The following XPNPEP2 variants were observed in gnomAD, a reference collection of about 807,000 sequenced individuals.
XPNPEP2 encodes xaa-Pro aminopeptidase 2.
A neutral mutation model predicts 59.8 loss-of-function variants in XPNPEP2; 64 were observed. The ratio of observed to expected loss-of-function variants is 1.07; its 90% CI spans 0.87 to 1.32. The LOEUF (loss-of-function observed/expected upper bound fraction) is 1.32. XPNPEP2 is among the 40% of genes most tolerant of loss of function. The pLI is 0.00. For missense variants in XPNPEP2, 575 were observed against 546.8 expected (o/e 1.05, Z -0.51); for synonymous variants, 235 against 210.0 (o/e 1.12, Z -1.03).
At chrX:129,766,710 TG>T (rs1296907883) in intron 19 of XPNPEP2, among the ~76,000 whole-genome samples, 2 of 111,693 alleles carry the variant, frequency 1.8e-5, no homozygotes, top group African/African-American at 3.3e-5. Context: ...TAGAGACTGG[TG>T]TATTAGTCTG....
Position 129,742,166 on chromosome X carries a change from T to G in XPNPEP2, c.108T>G (p.Cys36Trp). The change falls in exon 2 of 21, where the codon TGT (cysteine) becomes TGG (tryptophan). Residue 36 changes from cysteine to tryptophan, a missense_variant. Transcript: ENST00000371106. ...TTGGAGGGCAGGATGTGAGAAACTG[T>G]TCCACCAACCCCCCTGTGAGTGCCC... ...VDLGGQDVRN[C>W]STNPPYLPVT... The G allele has an allele frequency of 1.7e-6, 2 of 1,200,671 alleles. No individual in the cohort carries two copies. Among genetic ancestry groups the G allele is most frequent in the Non-Finnish European group, 1.1e-6 (1 of 888,954 alleles).
At chrX:129,753,421 T>C (rs766866587) in intron 11 of XPNPEP2, among the ~76,000 whole-genome samples, 173 bp downstream of exon 11, 1 of 111,661 alleles carries the variant, frequency 9.0e-6, no homozygotes, top group Non-Finnish European at 1.9e-5. Flanking sequence ...GGTGAGAGGA[T>C]TGCTTGAGCT....
intron 11 of XPNPEP2, among the ~76,000 whole-genome samples, chrX:129,753,543 T>C (rs1926461016): frequency 9.0e-6 from 1 of 110,762 alleles, no homozygotes; most frequent in South Asian, 3.8e-4. Flanking sequence ...CTCAGGAGGC[T>C]GAGGCACGAG....
Position 129,761,876 on chromosome X carries a change from A to G in XPNPEP2, c.1604-130A>G, listed in dbSNP as rs915683262. The G allele has an allele frequency of 1.6e-5, 10 of 625,192 alleles. No homozygotes were observed. The African/African-American group carries it at 2.0e-4, about 12-fold the overall frequency. The allele number at this position is 625,192 out of a possible 1,213,427, so 51.5% of individuals were successfully genotyped here. ...GGTGTGTGCCAGGCCCAGGCAGACA[A>G]TGATGTGATGGACCTGTGCTCATAG... is the stretch of plus-strand genomic sequence containing the variant. On this transcript the variant is annotated intron_variant, in intron 17 of 20. Transcript: ENST00000371106.
chrX:129,765,049 G>T (rs749579119), intron 19 of XPNPEP2, among the ~76,000 whole-genome samples: 130 of 112,164 alleles, frequency 1.2e-3, no homozygotes, highest in Non-Finnish European at 2.0e-3. Flanking sequence ...AACATTTCAG[G>T]CACACACAGC....
chrX:129,766,304 C>G (rs780018884), intron 19 of XPNPEP2, among the ~76,000 whole-genome samples: 1 of 112,164 alleles, frequency 8.9e-6, no homozygotes, highest in South Asian at 3.7e-4. Flanking sequence ...TCCTCTACAT[C>G]TTTTGTGGTT....
At chrX:129,767,156 G>C (rs1926765272) in intron 19 of XPNPEP2, among the ~76,000 whole-genome samples, 1 of 111,423 alleles carries the variant, frequency 9.0e-6, no homozygotes, top group Admixed American at 9.6e-5. Flanking sequence ...AGAGGCTGCA[G>C]AGGGCCGTCA....
rs766206158 is a variant in XPNPEP2, at chrX:129,743,949, G to C, written c.124-12G>C. On this transcript the variant is annotated splice_polypyrimidine_tract_variant and intron_variant, in intron 2 of 20. Transcript: ENST00000371106. The stretch of plus-strand genomic sequence containing the variant: ...TTTGTTTGTGTCTCAATGTCTTCTT[G>C]TCATCTGTCAGTACCTTCCAGTTAC... 1.2e-5 allele frequency: 14 copies of C among 1,199,464 alleles called. No individual in the cohort carries two copies. The highest frequency in any genetic ancestry group is 1.6e-5 in the Non-Finnish European group (14 of 884,681).
rs1185675170 is a variant in XPNPEP2, at chrX:129,747,600, T to G, written c.491-7T>G. The stretch of plus-strand genomic sequence containing the variant: ...AAGGGACAAGTGACTCCTTCTTGTC[T>G]CTGCAGACACCTGGGAGAGTTATGA... On this transcript the variant is annotated splice_region_variant and splice_polypyrimidine_tract_variant and intron_variant, in intron 6 of 20. Coordinates refer to ENST00000371106, the MANE Select transcript of XPNPEP2 (RefSeq NM_003399.6). 3 of 1,210,344 alleles carry G rather than the reference T, an allele frequency of 2.5e-6. No individual in the cohort carries two copies. The highest frequency in any genetic ancestry group is 3.4e-6 in the Non-Finnish European group (3 of 894,483).
At position 129,768,731 on chromosome X, in the gene XPNPEP2, C is replaced by T. The variant is rs750605948; in HGVS notation, c.*246C>T. The T allele has an allele frequency of 1.1e-5, 3 of 285,297 alleles. No homozygotes were observed. Among genetic ancestry groups the T allele is most frequent in the Admixed American group, 5.9e-5 (1 of 16,957 alleles). 23.5% of individuals were successfully genotyped at this position (285,297 alleles called of 1,213,427 possible). A position where few individuals can be genotyped will look rare whatever the true frequency, so the allele number is the denominator to read the frequency against. The stretch of plus-strand genomic sequence containing the variant: ...ATACCACACCCTGGGCCCCTAATCC[C>T]AGGCCCCGAGATAGGAAAGCCAGCT... On this transcript the variant is annotated 3_prime_UTR_variant, in exon 21 of 21. Transcript: ENST00000371106.
rs1056318381 is a variant in XPNPEP2, at chrX:129,747,487, C to G, written c.491-120C>G. The G allele has an allele frequency of 1.3e-5, 13 of 1,031,286 alleles. No homozygotes were observed. The South Asian group carries it at 2.4e-4, about 19-fold the overall frequency. The allele number at this position is 1,031,286 out of a possible 1,213,427, so 85.0% of individuals were successfully genotyped here. The stretch of plus-strand genomic sequence containing the variant: ...GGGGTGGGCAGGCTGCTGGGGCAGG[C>G]TCCGGGCAGCTGGGCTGCAAAGGGA... On this transcript the variant is annotated intron_variant, in intron 6 of 20. Coordinates refer to ENST00000371106, the MANE Select transcript of XPNPEP2 (RefSeq NM_003399.6).
chrX:129,759,063 C>T, intron 14 of XPNPEP2, 117 bp from the exon 15 acceptor site: 1 of 840,570 alleles, frequency 1.2e-6, no homozygotes, highest in East Asian at 3.2e-5. Flanking sequence ...CTGTCTTCTT[C>T]CTTTCGCCGT....
rs1230522218 is a variant in XPNPEP2 at position 129,762,679 on chromosome X, C to T, written c.1664-15C>T. The T allele has an allele frequency of 3.3e-6, 4 of 1,206,841 alleles. No individual in the cohort carries two copies. The highest frequency in any genetic ancestry group is 4.5e-6 in the Non-Finnish European group (4 of 892,016). The stretch of plus-strand genomic sequence containing the variant: ...TCTCCCAGCTTAATGCCACCAGCAT[C>T]TCTGTGTCTCCCAGAACCTGGTTAC... On this transcript the variant is annotated splice_polypyrimidine_tract_variant and intron_variant, in intron 18 of 20. Transcript: ENST00000371106.
At chrX:129,756,630 C>A in intron 14 of XPNPEP2, 75 bp downstream of exon 14, 1 of 1,024,112 alleles carries the variant, frequency 9.8e-7, no homozygotes, top group Non-Finnish European at 1.4e-6. Flanking sequence ...TCAGCCAAAG[C>A]TTTCCCTTCC....
chrX:129,748,535 A>G (rs1268027474), intron 7 of XPNPEP2, among the ~76,000 whole-genome samples: 2 of 111,976 alleles, frequency 1.8e-5, no homozygotes, highest in Non-Finnish European at 1.9e-5. Context: ...CCCTTTCCGC[A>G]TGCAAGTCCA....
intron 8 of XPNPEP2, among the ~76,000 whole-genome samples, chrX:129,751,383 C>T (rs773315986): frequency 1.4e-3 from 158 of 109,480 alleles, no homozygotes; most frequent in African/African-American, 5.1e-3. Flanking sequence ...TGGCAGGCAT[C>T]TGCAAACCCA....
At chrX:129,750,388 C>G in intron 7 of XPNPEP2, 80 bp from the exon 8 acceptor site, 1 of 809,219 alleles carries the variant, frequency 1.2e-6, no homozygotes, top group South Asian at 2.5e-5. Flanking sequence ...AAACTGTTAC[C>G]CTAAGGCTGA....
chrX:129,751,595 AAAGGAAGGAAGG>A lies in XPNPEP2; in HGVS notation c.740-113_740-102del, dbSNP rs201428707. The stretch of plus-strand genomic sequence containing the variant: ...GAAAGAAAGAAAGAAAGAAAGAAAG[AAAGGAAGGAAGG>A]AAGGAAGGAAGGAAGGAAGGAAGGA... On this transcript the variant is annotated intron_variant, in intron 8 of 20. Transcript: ENST00000371106. 1,750 of 200,621 alleles carry A rather than the reference AAAGGAAGGAAGG, an allele frequency of 8.7e-3. 40 individuals carry two copies. The highest frequency in any genetic ancestry group is 0.053 in the African/African-American group (909 of 17,131). The allele number at this position is 200,621 out of a possible 1,213,427, so 16.5% of individuals were successfully genotyped here. A position where few individuals can be genotyped will look rare whatever the true frequency, so the allele number is the denominator to read the frequency against.
chrX:129,748,775 C>T (rs753989812), intron 7 of XPNPEP2, among the ~76,000 whole-genome samples: 1 of 111,238 alleles, frequency 9.0e-6, no homozygotes, highest in South Asian at 3.7e-4. Context: ...AAAGTTATGT[C>T]GGGAAGGGGA....
Sources: allele counts gnomAD v4.1 joint callset (sites outside exome capture counted in the v4.1 genomes callset), GRCh38; gene constraint gnomAD v4.1.1; transcripts MANE v1.5; gene names NCBI Gene and HGNC (gene_info 2026-07-23, HGNC 2026-07-21).